The following CCNB3 variants were observed in gnomAD, a reference collection of about 807,000 sequenced individuals.
CCNB3 encodes G2/mitotic-specific cyclin-B3.
Under a neutral mutation model 68.0 loss-of-function variants are expected in CCNB3, and 12 were observed. The ratio of observed to expected loss-of-function variants is 0.18; its 90% CI spans 0.11 to 0.29. The LOEUF (loss-of-function observed/expected upper bound fraction) is 0.29, where lower values mean the gene tolerates loss of function less well. CCNB3 is among the 10% of genes least tolerant of loss of function. The pLI is 1.00. For missense variants in CCNB3, 904 were observed against 993.1 expected (o/e 0.91, Z 1.21); for synonymous variants, 354 against 388.9 (o/e 0.91, Z 1.06).
At chrX:50,220,117 T>G (rs938229628) in intron 1 of CCNB3, among the ~76,000 whole-genome samples, 1 of 111,991 alleles carries the variant, frequency 8.9e-6, no homozygotes, top group Non-Finnish European at 1.9e-5. Flanking sequence ...ACATTGATTT[T>G]GTATCCTGAG....
chrX:50,318,420 G>A (rs1921848111), intron 8 of CCNB3, among the ~76,000 whole-genome samples: 1 of 110,807 alleles, frequency 9.0e-6, no homozygotes, highest in Admixed American at 9.7e-5. Context: ...GGCTGAGGCA[G>A]GAGAATCGCT....
chrX:50,290,189 A>G (rs1164777802), intron 4 of CCNB3, among the ~76,000 whole-genome samples: 1 of 112,007 alleles, frequency 8.9e-6, no homozygotes, highest in African/African-American at 3.2e-5. Flanking sequence ...CTGTGCAAGG[A>G]AAGTGTCTAA....
chrX:50,330,182 G>A (rs1217544757), intron 8 of CCNB3, among the ~76,000 whole-genome samples: 2 of 111,826 alleles, frequency 1.8e-5, no homozygotes, highest in Admixed American at 9.5e-5. Flanking sequence ...GGTCGTGATC[G>A]ATTGAGCAAG....
intron 4 of CCNB3, among the ~76,000 whole-genome samples, chrX:50,293,345 T>G (rs1315321974): frequency 1.8e-5 from 2 of 111,092 alleles, no homozygotes; most frequent in Non-Finnish European, 3.8e-5. Context: ...TTTTTAAGGT[T>G]TTTTTGTGTC....
At chrX:50,226,621 A>C (rs1479074996) in intron 1 of CCNB3, among the ~76,000 whole-genome samples, 343 of 59,761 alleles carry the variant, frequency 5.7e-3, no homozygotes, top group Non-Finnish European at 8.9e-3. Context: ...AAATATATAT[A>C]TAGAATATAT....
chrX:50,295,191 A>G (rs1489154320), intron 5 of CCNB3, among the ~76,000 whole-genome samples, 198 bp downstream of exon 5: 1 of 111,670 alleles, frequency 9.0e-6, no homozygotes, highest in Non-Finnish European at 1.9e-5. Flanking sequence ...ACGTGTGTGC[A>G]TATTGAAAGA....
intron 8 of CCNB3, 87 bp from the exon 9 acceptor site, chrX:50,342,115 G>T: frequency 4.7e-6 from 5 of 1,066,375 alleles, no homozygotes; most frequent in Non-Finnish European, 6.5e-6. Context: ...TCTTGATGTT[G>T]CAGATACTCC....
chrX:50,317,732 G>A (rs1921806755), intron 8 of CCNB3, among the ~76,000 whole-genome samples: 1 of 109,624 alleles, frequency 9.1e-6, no homozygotes, highest in South Asian at 4.0e-4. Context: ...ACCCTGCCTG[G>A]CTAATTTTTG....
chrX:50,222,634 C>A (rs891382265), intron 1 of CCNB3, among the ~76,000 whole-genome samples: 3 of 111,739 alleles, frequency 2.7e-5, no homozygotes, highest in Non-Finnish European at 5.6e-5. Flanking sequence ...GCAGAGAGAT[C>A]CGCTGTTAGT....
At chrX:50,319,375 C>T (rs1484870282) in intron 8 of CCNB3, among the ~76,000 whole-genome samples, 4 of 111,640 alleles carry the variant, frequency 3.6e-5, no homozygotes, top group African/African-American at 1.3e-4. Flanking sequence ...ATTTTCTTCT[C>T]TTGAAGCTAT....
chrX:50,228,424 A>C (rs1163422759), intron 1 of CCNB3, among the ~76,000 whole-genome samples: 1 of 92,840 alleles, frequency 1.1e-5, no homozygotes, highest in Non-Finnish European at 2.1e-5. Context: ...TCTATGTAGA[A>C]TATATATAGA....
At chrX:50,311,826 G>A (rs1156896913) in intron 6 of CCNB3, among the ~76,000 whole-genome samples, 2 of 110,826 alleles carry the variant, frequency 1.8e-5, no homozygotes, top group African/African-American at 6.6e-5. Flanking sequence ...AGTTGGCCTT[G>A]TACAATCTCT....
chrX:50,281,037 C>T (rs1012399888), intron 1 of CCNB3, among the ~76,000 whole-genome samples: 119 of 110,803 alleles, frequency 1.1e-3, no homozygotes, highest in South Asian at 1.6e-3. Context: ...GCTGGGAGTA[C>T]GGGAGTAGGC....
intron 8 of CCNB3, among the ~76,000 whole-genome samples, chrX:50,330,607 T>C (rs1254803756): frequency 8.9e-6 from 1 of 112,139 alleles, no homozygotes; most frequent in Admixed American, 9.4e-5. Context: ...GATGAAGCTT[T>C]TTATCACTTG....
In CCNB3 at chrX:50,310,581, G is replaced by T; in HGVS notation, c.2412G>T (p.Met804Ile). The change falls in exon 6 of 13, where the codon ATG (methionine) becomes ATT (isoleucine). Residue 804 changes from methionine (M) to isoleucine (I), a missense_variant. Coordinates refer to ENST00000376042, the MANE Select transcript of CCNB3 (RefSeq NM_033031.3). ...CCCTCTTCAAGAAGCTTTTGGCCAT[G>T]CAGGAGGAGCCCAGCATTGAGAAGG... ...GETLFKKLLA[M>I]QEEPSIEKEA... The T allele has an allele frequency of 1.7e-6, 2 of 1,211,772 alleles. No individual in the cohort carries two copies. Among genetic ancestry groups the T allele is most frequent in the African/African-American group, 1.7e-5 (1 of 57,896 alleles).
At position 50,342,306 on chromosome X, in the gene CCNB3, T is replaced by C. The variant is rs1557219728; in HGVS notation, c.3621T>C (p.Gly1207=). The change falls in exon 9 of 13, where the codon GGT becomes GGC. Residue 1207 remains glycine, a synonymous_variant. Transcript: ENST00000376042. The part of the protein sequence containing the change: ...VCKKDKLQLL[G]ATAFMIAAKF... ...AGAAGGATAAGTTACAACTCCTTGG[T>C]GCCACTGCCTTTATGATTGCAGCAA... The C allele has an allele frequency of 8.3e-7, 1 of 1,202,466 alleles. No individual in the cohort carries two copies. The highest frequency in any genetic ancestry group is 1.8e-5 in the African/African-American group (1 of 56,744).
chrX:50,324,319 T>A (rs1383507750), intron 8 of CCNB3, among the ~76,000 whole-genome samples: 2 of 112,413 alleles, frequency 1.8e-5, no homozygotes, highest in Admixed American at 9.4e-5. Flanking sequence ...AGTGCCAGGA[T>A]TACAGGTGTG....
intron 5 of CCNB3, among the ~76,000 whole-genome samples, chrX:50,298,383 A>G (rs2147042222): frequency 9.0e-6 from 1 of 111,626 alleles, no homozygotes; most frequent in East Asian, 2.8e-4. Context: ...GCATCTATTG[A>G]GATAATCATG....
chrX:50,204,560 C>T (rs1311585296), upstream of CCNB3: 1 of 106,729 alleles, frequency 9.4e-6, no homozygotes, highest in Non-Finnish European at 1.9e-5. Context: ...TTATTTCTTT[C>T]AGGGTCTGGA....
Sources: gnomAD v4.1 joint callset for allele counts (sites outside exome capture counted in the v4.1 genomes callset) on GRCh38, gnomAD v4.1.1 for gene constraint, MANE v1.5 for transcripts, NCBI Gene and HGNC (gene_info 2026-07-23, HGNC 2026-07-21) for gene names.